Variants in OSTF1 observed in about 807,000 individuals in gnomAD.
OSTF1 encodes the protein osteoclast stimulating factor 1.
A neutral mutation model predicts 37.2 loss-of-function variants in OSTF1; 27 were observed. That is an observed-to-expected ratio of 0.73 (90% confidence interval 0.54 to 1.00). The LOEUF is 1.00. Ranked by LOEUF, OSTF1 falls within the 50% of genes least tolerant of loss-of-function variation. The probability of loss-of-function intolerance (pLI) is 0.00; values close to 1 mark genes in which losing one functional copy is unlikely to be tolerated. For missense variants in OSTF1, 232 were observed against 253.8 expected, an observed-to-expected ratio of 0.91 and a Z score of 0.58; for synonymous variants, 82 against 89.2, an observed-to-expected ratio of 0.92 and a Z score of 0.46.
At chr9:75,096,932 C>T (rs1825097229) in intron 1 of OSTF1, among the ~76,000 whole-genome samples, 1 of 152,124 alleles carries the variant, frequency 6.6e-6, no homozygotes. Context: ...GTTGACTACC[C>T]AGGTTCACAA....
chr9:75,110,299 C>T (rs1158392482), intron 1 of OSTF1, among the ~76,000 whole-genome samples: 1 of 151,908 alleles, frequency 6.6e-6, no homozygotes, highest in Admixed American at 6.6e-5. Flanking sequence ...TTTACTGTTT[C>T]CATAGTTTTG....
At chr9:75,132,172 C>T (rs2118587415) in intron 5 of OSTF1, among the ~76,000 whole-genome samples, 1 of 152,176 alleles carries the variant, frequency 6.6e-6, no homozygotes, top group African/African-American at 2.4e-5. Flanking sequence ...ATGATAAGTA[C>T]AGCAATTGAA....
At chr9:75,111,978 C>T (rs1825399123) in intron 1 of OSTF1, among the ~76,000 whole-genome samples, 1 of 151,650 alleles carries the variant, frequency 6.6e-6, no homozygotes, top group Non-Finnish European at 1.5e-5. Context: ...TGTGTGCCAC[C>T]ACGCCCAGCT....
chr9:75,115,880 G>T (rs1031148252), intron 1 of OSTF1, among the ~76,000 whole-genome samples: 2 of 152,062 alleles, frequency 1.3e-5, no homozygotes, highest in Non-Finnish European at 2.9e-5. Flanking sequence ...CAGGCAGGCA[G>T]ATCGCTTGAA....
At chr9:75,113,409 C>T (rs1825425787) in intron 1 of OSTF1, among the ~76,000 whole-genome samples, 1 of 150,994 alleles carries the variant, frequency 6.6e-6, no homozygotes, top group Non-Finnish European at 1.5e-5. Flanking sequence ...TATTCTATGT[C>T]AGTGTCTGTG....
intron 1 of OSTF1, among the ~76,000 whole-genome samples, chr9:75,099,289 G>A (rs937668923): frequency 8.6e-5 from 13 of 150,994 alleles, no homozygotes; most frequent in African/African-American, 3.2e-4. Flanking sequence ...ATTAAGAAAA[G>A]GTCTTGTTCT....
intron 1 of OSTF1, among the ~76,000 whole-genome samples, chr9:75,102,279 AG>A (rs1398715870): frequency 1.3e-5 from 2 of 152,314 alleles, no homozygotes; most frequent in Non-Finnish European, 2.9e-5. Flanking sequence ...CCAGCCAGTG[AG>A]GGCATTTTTA....
At chr9:75,139,306 T>A (rs1005319347) in intron 8 of OSTF1, among the ~76,000 whole-genome samples, 2 of 152,096 alleles carry the variant, frequency 1.3e-5, no homozygotes, top group African/African-American at 4.8e-5. Context: ...AGTGCTGGGA[T>A]TACAGGCGGA....
rs750031011 is a variant in OSTF1 at position 75,133,290 on chromosome 9, T to C, written c.251-4T>C. The C allele has an allele frequency of 2.5e-6, 4 of 1,573,110 alleles. No individual in the cohort carries two copies. In the East Asian group the frequency reaches 8.9e-5, roughly 35 times the overall value. ...GTGTTCTTGTAAATGTAAAATTCTT[T>C]CAGGCAACTTGAGCTGGTTGAGAGA... On this transcript the variant is annotated splice_polypyrimidine_tract_variant and splice_region_variant and intron_variant, in intron 5 of 9. Coordinates refer to ENST00000346234, the MANE Select transcript of OSTF1 (RefSeq NM_012383.5).
Position 75,146,041 on chromosome 9 carries a change from A to G in OSTF1, c.587-642A>G, listed in dbSNP as rs144558682. 2.1e-3 allele frequency among the ~76,000 whole-genome samples: 319 copies of G among 152,322 alleles called. 1 individual carries two copies. The highest frequency in any genetic ancestry group is 0.01 in the Middle Eastern group (3 of 294). On this transcript the variant is annotated intron_variant, in intron 9 of 9. Transcript: ENST00000346234. ...CTTGTGTTTGCATTCTGTTTTTCCC[A>G]CTAAAATTATACTTGGGCTAATCTG...
intron 9 of OSTF1, 75 bp downstream of exon 9, chr9:75,141,007 A>G: frequency 9.3e-7 from 1 of 1,075,744 alleles, no homozygotes; most frequent in Non-Finnish European, 1.4e-6. Flanking sequence ...GGCGCAAAAG[A>G]GATAAACTCA....
chr9:75,123,707 C>T (rs953979468), intron 2 of OSTF1, among the ~76,000 whole-genome samples: 2 of 152,194 alleles, frequency 1.3e-5, no homozygotes, highest in African/African-American at 2.4e-5. Flanking sequence ...ATTAGGAAAA[C>T]GTGTCCCTAG....
At chr9:75,115,332 C>A (rs926931283) in intron 1 of OSTF1, among the ~76,000 whole-genome samples, 6 of 151,992 alleles carry the variant, frequency 3.9e-5, no homozygotes, top group African/African-American at 1.4e-4. Context: ...TGCTCTGTTG[C>A]CCAGGCTGGA....
At chr9:75,100,745 A>G (rs898869081) in intron 1 of OSTF1, among the ~76,000 whole-genome samples, 2 of 151,718 alleles carry the variant, frequency 1.3e-5, no homozygotes, top group Admixed American at 6.6e-5. Flanking sequence ...AAAAAAAAAA[A>G]AGTTTCTGAG....
intron 7 of OSTF1, among the ~76,000 whole-genome samples, chr9:75,136,938 A>G (rs1484322321): frequency 2.0e-5 from 3 of 152,088 alleles, no homozygotes; most frequent in Non-Finnish European, 4.4e-5. Context: ...ACGTAAAGGT[A>G]CCTGAGAGAG....
chr9:75,122,730 G>T (rs1388162830), intron 2 of OSTF1, among the ~76,000 whole-genome samples: 1 of 152,156 alleles, frequency 6.6e-6, no homozygotes, highest in African/African-American at 2.4e-5. Context: ...ATGATGATAA[G>T]AATAGCACCC....
intron 1 of OSTF1, among the ~76,000 whole-genome samples, chr9:75,113,665 G>A (rs897630309): frequency 1.8e-4 from 27 of 151,732 alleles, no homozygotes; most frequent in African/African-American, 6.5e-4. Flanking sequence ...TCCAGGCTGG[G>A]CAACCCTTTT....
chr9:75,146,658 C>CT, intron 9 of OSTF1, 25 bp from the exon 10 acceptor site: 1 of 1,581,864 alleles, frequency 6.3e-7, no homozygotes, highest in Non-Finnish European at 8.7e-7. Context: ...CCCTATTTTG[C>CT]TTTTTTCCCT....
intron 2 of OSTF1, among the ~76,000 whole-genome samples, chr9:75,122,820 C>G (rs977871790): frequency 1.3e-5 from 2 of 152,160 alleles, no homozygotes; most frequent in Non-Finnish European, 2.9e-5. Context: ...ATAATATATA[C>G]TATAAAGTGT....
Sources: gnomAD v4.1 joint callset for allele counts (sites outside exome capture counted in the v4.1 genomes callset) on GRCh38, gnomAD v4.1.1 for gene constraint, MANE v1.5 for transcripts, NCBI Gene and HGNC (gene_info 2026-07-23, HGNC 2026-07-21) for gene names.